TALDO1: variants seen among roughly 807,000 people sequenced by gnomAD.
The protein encoded by TALDO1 is transaldolase.
In TALDO1, 29 loss-of-function variants were observed where a neutral mutation model predicts 38.1. The ratio of observed to expected loss-of-function variants is 0.76; its 90% CI spans 0.57 to 1.04. The LOEUF (loss-of-function observed/expected upper bound fraction) is 1.04, where lower values mean the gene tolerates loss of function less well. Among genes scored for constraint, TALDO1 ranks in the 50% least tolerant of loss-of-function variants. TALDO1 has a pLI of 0.00. For missense variants in TALDO1, 499 were observed against 438.1 expected (o/e 1.14, Z -1.24); for synonymous variants, 207 against 176.8 (o/e 1.17, Z -1.36).
intron 1 of TALDO1, among the ~76,000 whole-genome samples, chr11:753,992 T>C (rs538128184): frequency 6.1e-4 from 92 of 151,988 alleles, no homozygotes; most frequent in African/African-American, 2.1e-3. Flanking sequence ...AAAACTTTTT[T>C]ATTTTTTTTT....
At chr11:759,827 G>A (rs984276521) in intron 3 of TALDO1, among the ~76,000 whole-genome samples, 20 of 152,138 alleles carry the variant, frequency 1.3e-4, no homozygotes, top group African/African-American at 4.3e-4. Flanking sequence ...TGATCTTCCC[G>A]CCTCAGCCTC....
At chr11:752,440 A>C (rs1002897624) in intron 1 of TALDO1, 1 of 152,400 alleles carries the variant, frequency 6.6e-6, no homozygotes, top group African/African-American at 2.4e-5. Flanking sequence ...GTCCCATCAC[A>C]TACCCTGGAG....
intron 1 of TALDO1, 62 bp downstream of exon 1, chr11:747,640 T>C: frequency 7.1e-7 from 1 of 1,399,510 alleles, no homozygotes; most frequent in South Asian, 1.3e-5. Context: ...GGCGCCCCGA[T>C]TTCCCCGGGT....
chr11:751,374 A>G (rs1210047812), intron 1 of TALDO1, among the ~76,000 whole-genome samples: 1 of 152,200 alleles, frequency 6.6e-6, no homozygotes, highest in Non-Finnish European at 1.5e-5. Context: ...TCCAAAGAAC[A>G]AGAGAAAGTT....
intron 7 of TALDO1, 132 bp from the exon 8 acceptor site, chr11:764,681 C>A: frequency 2.7e-6 from 4 of 1,479,398 alleles, no homozygotes; most frequent in East Asian, 2.3e-5. Context: ...GTATTGGCCA[C>A]CCTGTGGCCG....
chr11:756,916 C>G (rs1282026184), intron 2 of TALDO1, among the ~76,000 whole-genome samples: 1 of 152,150 alleles, frequency 6.6e-6, no homozygotes, highest in Admixed American at 6.5e-5. Context: ...ACTGTAGAGC[C>G]CTCTTCATGC....
chr11:752,871 G>A lies in TALDO1; in HGVS notation c.98-3008G>A, dbSNP rs181331323. ...ATCAGAAGTTCTGGAGCCCAGACTT[G>A]TGACGGGTGGGAATGGAGAATGGTT... On this transcript the variant is annotated intron_variant, in intron 1 of 7. Transcript: ENST00000319006. Among the ~76,000 whole-genome samples the A allele has an allele frequency of 2.5e-3, 378 of 152,322 alleles. 8 individuals are homozygous for A. Among genetic ancestry groups the A allele is most frequent in the Non-Finnish European group, 4.7e-4 (32 of 68,040 alleles).
chr11:750,349 C>T (rs1342957217), intron 1 of TALDO1, among the ~76,000 whole-genome samples: 2 of 151,954 alleles, frequency 1.3e-5, no homozygotes, highest in Non-Finnish European at 1.5e-5. Context: ...AATAGCCAGG[C>T]GTATTGGTGC....
chr11:753,908 GAA>G (rs80004301), intron 1 of TALDO1, among the ~76,000 whole-genome samples: 1 of 131,410 alleles, frequency 7.6e-6, no homozygotes. Flanking sequence ...CTCTGTGTCA[GAA>G]AAAAAAAAAA....
Position 760,209 on chromosome 11 carries a change from T to A in TALDO1, c.417T>A (p.Ile139=), listed in dbSNP as rs2133577879. The A allele has an allele frequency of 6.2e-7, 1 of 1,614,192 alleles. No homozygotes were observed. The highest frequency in any genetic ancestry group is 1.6e-4 in the Middle Eastern group (1 of 6,062). Residue 139 remains isoleucine, a synonymous_variant, in exon 4 of 8, where the codon ATT becomes ATA. Transcript: ENST00000319006. ...YKEAGISKDR[I]LIKLSSTWEG... is the part of the protein sequence containing the mutation. ...AAGCTGGGATCAGCAAGGACCGAAT[T>A]CTTATAAAGCTGTCATCAACCTGGG...
chr11:757,620 G>A (rs557712701), intron 2 of TALDO1, among the ~76,000 whole-genome samples: 2 of 152,268 alleles, frequency 1.3e-5, no homozygotes, highest in African/African-American at 4.8e-5. Context: ...ACCTCTGAGC[G>A]TCTAGCTGAA....
chr11:753,522 C>A (rs929626995), intron 1 of TALDO1, among the ~76,000 whole-genome samples: 2 of 151,346 alleles, frequency 1.3e-5, no homozygotes, highest in African/African-American at 4.9e-5. Context: ...AAGAGCGAGA[C>A]TCCGTCTCAA....
rs1458044462 is a variant in TALDO1, at chr11:763,423, G to A, written c.541G>A (p.Ala181Thr). 2 of 1,613,660 alleles carry A rather than the reference G, an allele frequency of 1.2e-6. No homozygotes were observed. Among genetic ancestry groups the A allele is most frequent in the Non-Finnish European group, 1.7e-6 (2 of 1,179,944 alleles). Residue 181 changes from alanine to threonine, a missense_variant, in exon 5 of 8, where the codon GCG (alanine) becomes ACG (threonine). Transcript: ENST00000319006. Reference sequence around the variant, plus strand: ...CGCCCAGGCTGTGGCCTGTGCCGAGGCGGGTGTGACCCTCATCTCCCCATT... The same window carrying A: ...CGCCCAGGCTGTGGCCTGTGCCGAGACGGGTGTGACCCTCATCTCCCCATT... Reference protein sequence around the residue: ...SFAQAVACAEAGVTLISPFVG... With the variant: ...SFAQAVACAETGVTLISPFVG...
chr11:754,838 A>G lies in TALDO1; in HGVS notation c.98-1041A>G, dbSNP rs796735841. On this transcript the variant is annotated intron_variant, in intron 1 of 7. Coordinates refer to ENST00000319006, the MANE Select transcript of TALDO1 (RefSeq NM_006755.2). ...CAGGTGGGAGTGTAGTGGCATGATC[A>G]TGGCTCACTGCAGTCTCAACCTCCT... Among the ~76,000 whole-genome samples, 68 of 150,616 alleles carry G rather than the reference A, an allele frequency of 4.5e-4. 1 individual carries two copies. The highest frequency in any genetic ancestry group is 1.5e-3 in the African/African-American group (63 of 40,892).
At chr11:761,839 G>C (rs1414661580) in intron 4 of TALDO1, among the ~76,000 whole-genome samples, 1 of 152,150 alleles carries the variant, frequency 6.6e-6, no homozygotes, top group Non-Finnish European at 1.5e-5. Context: ...CCACTCCTGG[G>C]TAATTTCACC....
chr11:748,377 G>C (rs1862694109), intron 1 of TALDO1, among the ~76,000 whole-genome samples: 1 of 151,604 alleles, frequency 6.6e-6, no homozygotes, highest in Admixed American at 6.6e-5. Flanking sequence ...GATTTTCCTG[G>C]GCTTGAGTTG....
intron 2 of TALDO1, 121 bp downstream of exon 2, chr11:756,123 C>T: frequency 7.1e-7 from 1 of 1,405,588 alleles, no homozygotes; most frequent in Non-Finnish European, 9.5e-7. Context: ...GGAAAAAAAC[C>T]CTATCTTTTT....
chr11:759,052 C>T lies in TALDO1; in HGVS notation c.324C>T (p.Asp108=), dbSNP rs368967856. The part of the protein sequence containing the change: ...KIPGRVSTEV[D]ARLSFDKDAM... ...CGGGCCGAGTATCCACAGAAGTAGACGCAAGGTAAGGATGCTTGCTCCTGC... is the reference window on the plus strand; with the variant it reads ...CGGGCCGAGTATCCACAGAAGTAGATGCAAGGTAAGGATGCTTGCTCCTGC... The change falls in exon 3 of 8, where the codon GAC becomes GAT. Residue 108 remains aspartate, a synonymous_variant. Coordinates refer to ENST00000319006, the MANE Select transcript of TALDO1 (RefSeq NM_006755.2). 1.9e-5 allele frequency: 31 copies of T among 1,611,222 alleles called. No homozygotes were observed. The highest frequency in any genetic ancestry group is 1.2e-4 in the South Asian group (11 of 91,054).
At chr11:764,707 G>A in intron 7 of TALDO1, 106 bp from the exon 8 acceptor site, 1 of 1,571,018 alleles carries the variant, frequency 6.4e-7, no homozygotes, top group Non-Finnish European at 8.8e-7. Context: ...CCCACACAGA[G>A]TGCAGACCCC....
Sources: gnomAD v4.1 joint callset for allele counts (sites outside exome capture counted in the v4.1 genomes callset) on GRCh38, gnomAD v4.1.1 for gene constraint, MANE v1.5 for transcripts, NCBI Gene and HGNC (gene_info 2026-07-23, HGNC 2026-07-21) for gene names.